Variants in PILRA observed in about 807,000 individuals in gnomAD.
PILRA encodes the protein paired immunoglobulin-like type 2 receptor alpha.
PILRA carries 37 observed loss-of-function variants against 33.1 expected under a neutral mutation model. That is an observed-to-expected ratio of 1.12 (90% CI 0.86 to 1.47). The LOEUF (loss-of-function observed/expected upper bound fraction) is 1.47. PILRA is among the 40% of genes most tolerant of loss of function. The pLI, the probability that PILRA is intolerant of heterozygous loss-of-function variation, is 0.00. For synonymous variants in PILRA, 146 were observed against 149.9 expected, an observed-to-expected ratio of 0.97 and a Z score of 0.19; for missense variants, 312 against 376.2, an observed-to-expected ratio of 0.83 and a Z score of 1.41.
chr7:100,377,701 G>C (rs1051509323), intron 2 of PILRA, among the ~76,000 whole-genome samples: 1 of 151,976 alleles, frequency 6.6e-6, no homozygotes, highest in Admixed American at 6.6e-5. Context: ...AGCCAAGATC[G>C]CATCACTGCA....
At chr7:100,386,235 C>T (rs1791249723) in intron 2 of PILRA, among the ~76,000 whole-genome samples, 1 of 152,180 alleles carries the variant, frequency 6.6e-6, no homozygotes, top group African/African-American at 2.4e-5. Flanking sequence ...TTTAGCTGCT[C>T]TTCGCAGAGC....
chr7:100,392,146 T>C (rs530130783), intron 3 of PILRA, among the ~76,000 whole-genome samples: 3 of 152,256 alleles, frequency 2.0e-5, no homozygotes, highest in Middle Eastern at 3.4e-3. Flanking sequence ...CTGTCTCTAC[T>C]AAAAATACAA....
chr7:100,376,182 C>A (rs1442523497), intron 2 of PILRA: 1 of 152,200 alleles, frequency 6.6e-6, no homozygotes, highest in African/African-American at 2.4e-5. Context: ...ACCATCTTAA[C>A]CACTGTGTTG....
At chr7:100,379,671 A>G (rs960825701) in intron 2 of PILRA, among the ~76,000 whole-genome samples, 1 of 148,854 alleles carries the variant, frequency 6.7e-6, no homozygotes, top group East Asian at 1.9e-4. Flanking sequence ...CTGTCTCCAA[A>G]AAAAAAAAAA....
chr7:100,397,792 G>T, intron 3 of PILRA, 87 bp from the exon 4 acceptor site: 1 of 1,381,308 alleles, frequency 7.2e-7, no homozygotes, highest in Non-Finnish European at 1.0e-6. Flanking sequence ...TCTAAGGAGG[G>T]CCTCAGCCTA....
upstream of PILRA, chr7:100,373,309 C>A: frequency 2.0e-6 from 1 of 503,084 alleles, no homozygotes; most frequent in Non-Finnish European, 3.6e-6. Context: ...CTGCAGGGAT[C>A]CAGGTGGGAG....
chr7:100,395,804 G>C (rs1313550459), intron 3 of PILRA, among the ~76,000 whole-genome samples: 1 of 151,980 alleles, frequency 6.6e-6, no homozygotes, highest in Admixed American at 6.6e-5. Context: ...AAATGATACA[G>C]AAAAAAAGCA....
rs1439495712 is a variant in PILRA at position 100,395,125 on chromosome 7, AT to A, written c.674-2753del. Among the ~76,000 whole-genome samples, 12 of 152,358 alleles carry A rather than the reference AT, an allele frequency of 7.9e-5. No homozygotes were observed. In the East Asian group the frequency reaches 2.1e-3, roughly 27 times the overall value. ...ATTCCTATAATTCAACAACAAAAAA[AT>A]CAACCCAATTTAAAAGTGGGCAGTG... On this transcript the variant is annotated intron_variant, in intron 3 of 6. Coordinates refer to ENST00000198536, the MANE Select transcript of PILRA (RefSeq NM_013439.3).
rs780558694 is a variant in PILRA, at chr7:100,399,946, G to A, written c.*39G>A. 6.5e-7 allele frequency: 1 copy of A among 1,546,780 alleles called. No individual in the cohort carries two copies. The highest frequency in any genetic ancestry group is 1.2e-5 in the South Asian group (1 of 81,330). On this transcript the variant is annotated 3_prime_UTR_variant, in exon 7 of 7. Transcript: ENST00000198536. ...CTCTCAAGACTGAATGGTGAGGCCA[G>A]GTACAGTGGCGCACACCTGTAATCC...
chr7:100,384,386 G>A (rs1388321457), intron 2 of PILRA, among the ~76,000 whole-genome samples: 3 of 148,796 alleles, frequency 2.0e-5, no homozygotes, highest in Non-Finnish European at 4.5e-5. Context: ...CCCAGCCTGG[G>A]CAACATAATG....
rs772683225 is a variant in PILRA at position 100,399,959 on chromosome 7, A to G, written c.*52A>G. 2.6e-6 allele frequency: 4 copies of G among 1,520,696 alleles called. No homozygotes were observed. The East Asian group carries it at 9.1e-5, about 35-fold the overall frequency. 94.2% of individuals were successfully genotyped at this position (1,520,696 alleles called of 1,614,324 possible). On this transcript the variant is annotated 3_prime_UTR_variant, in exon 7 of 7. Transcript: ENST00000198536. ...ATGGTGAGGCCAGGTACAGTGGCGC[A>G]CACCTGTAATCCCAGCTACTCTGAA...
At chr7:100,386,097 T>C (rs1430538424) in intron 2 of PILRA, among the ~76,000 whole-genome samples, 1 of 151,832 alleles carries the variant, frequency 6.6e-6, no homozygotes, top group Non-Finnish European at 1.5e-5. Context: ...GCCCACCTAA[T>C]TTTTGTAGTT....
In PILRA at chr7:100,392,170, G is replaced by T. The variant is rs1386534676; in HGVS notation, c.673+2064G>T. Reference sequence around the variant, plus strand: ...CTAAAAATACAAAACTTAGCCAAGTGTGGTGGTACGCACCTGTAGTTCCAA... The same window carrying T: ...CTAAAAATACAAAACTTAGCCAAGTTTGGTGGTACGCACCTGTAGTTCCAA... On this transcript the variant is annotated intron_variant, in intron 3 of 6. Transcript: ENST00000198536. Among the ~76,000 whole-genome samples the T allele has an allele frequency of 3.3e-5, 5 of 152,330 alleles. No homozygotes were observed. In the South Asian group the frequency reaches 1.0e-3, roughly 32 times the overall value.
intron 2 of PILRA, among the ~76,000 whole-genome samples, chr7:100,378,148 A>C (rs978409703): frequency 2.6e-5 from 4 of 151,720 alleles, no homozygotes; most frequent in Non-Finnish European, 5.9e-5. Flanking sequence ...CAAGAGTTTG[A>C]GACTTAACAT....
chr7:100,389,907 G>T lies in PILRA; in HGVS notation c.474G>T (p.Gln158His), dbSNP rs755070687. ...SITQAVTTTT[Q>H]RPSSMTTTWR... ...CCCCAGCTGTCACGACCACCACCCAGAGGCCCAGCAGCATGACTACCACCT... is the reference window on the plus strand; with the variant it reads ...CCCCAGCTGTCACGACCACCACCCATAGGCCCAGCAGCATGACTACCACCT... Residue 158 changes from glutamine (Q) to histidine (H), a missense_variant, in exon 3 of 7, where the codon CAG becomes CAT. Gln to His is a conservative substitution (Grantham distance 24). Coordinates refer to ENST00000198536, the MANE Select transcript of PILRA (RefSeq NM_013439.3). 4.3e-6 allele frequency: 7 copies of T among 1,613,912 alleles called. No homozygotes were observed. In the Admixed American group the frequency reaches 1.2e-4, roughly 27 times the overall value.
At chr7:100,393,585 G>A (rs185570253) in intron 3 of PILRA, among the ~76,000 whole-genome samples, 195 of 152,254 alleles carry the variant, frequency 1.3e-3, no homozygotes, top group Non-Finnish European at 1.9e-3. Flanking sequence ...TACCACCAGG[G>A]ACCAGAAGTA....
rs1162806297 is a variant in PILRA, at chr7:100,391,185, AT to A, written c.673+1081del. Among the ~76,000 whole-genome samples, 485 of 134,080 alleles carry A rather than the reference AT, an allele frequency of 3.6e-3. 2 individuals carry two copies. The highest frequency in any genetic ancestry group is 0.013 in the African/African-American group (393 of 30,674). The allele number at this position is 134,080 out of a possible 152,430, so 88.0% of individuals were successfully genotyped here. On this transcript the variant is annotated intron_variant, in intron 3 of 6. Coordinates refer to ENST00000198536, the MANE Select transcript of PILRA (RefSeq NM_013439.3). ...AATAACAATAATAATAATAATAATAATTATTATTATTATTATTATTATTAGC... is the reference window on the plus strand; with the variant it reads ...AATAACAATAATAATAATAATAATAATATTATTATTATTATTATTATTAGC...
chr7:100,398,300 C>T (rs751736775), intron 4 of PILRA, among the ~76,000 whole-genome samples: 3 of 152,196 alleles, frequency 2.0e-5, no homozygotes, highest in African/African-American at 7.2e-5. Context: ...TCCTGTTCCC[C>T]TGCTGAATGT....
intron 2 of PILRA, chr7:100,376,482 GTTTTTTTT>G (rs386410819): frequency 8.5e-6 from 1 of 118,074 alleles, no homozygotes; most frequent in African/African-American, 3.2e-5. Flanking sequence ...AGAAAAAAGT[GTTTTTTTT>G]TTTTTTTTTT....
Sources: allele counts gnomAD v4.1 joint callset (sites outside exome capture counted in the v4.1 genomes callset), GRCh38; gene constraint gnomAD v4.1.1; transcripts MANE v1.5; gene names NCBI Gene and HGNC (gene_info 2026-07-23, HGNC 2026-07-21).